The following AXIN2 variants were observed in gnomAD, a reference collection of about 807,000 sequenced individuals.
The protein encoded by AXIN2 is axin 2, also known as axin-2.
Under a neutral mutation model 74.7 loss-of-function variants are expected in AXIN2, and 21 were observed. The observed-to-expected ratio is 0.28, with a 90% CI of 0.20 to 0.40. The LOEUF (loss-of-function observed/expected upper bound fraction) is 0.40, where lower values mean the gene tolerates loss of function less well. Among genes scored for constraint, AXIN2 ranks in the 10% least tolerant of loss-of-function variants. AXIN2 has a pLI of 1.00. For synonymous variants in AXIN2, 532 were observed against 454.9 expected, an observed-to-expected ratio of 1.17 and a Z score of -2.16; for missense variants, 1,144 against 1,111.1, an observed-to-expected ratio of 1.03 and a Z score of -0.42.
intron 10 of AXIN2, among the ~76,000 whole-genome samples, chr17:65,532,599 G>GC (rs2043841209): frequency 6.6e-6 from 1 of 152,130 alleles, no homozygotes; most frequent in Non-Finnish European, 1.5e-5. Flanking sequence ...ATCACTTTGA[G>GC]CCCCCGCCCA....
At position 65,529,161 on chromosome 17, in the gene AXIN2, G is replaced by C; in HGVS notation, c.*815C>G. ...TGATTCTAGCAGGCCTCAGGGCCCT[G>C]GGCCTGGGGAGGCTACATGAGGGGG... On this transcript the variant is annotated 3_prime_UTR_variant, in exon 11 of 11. Coordinates refer to ENST00000307078, the MANE Select transcript of AXIN2 (RefSeq NM_004655.4). 4.3e-6 allele frequency: 1 copy of C among 234,306 alleles called. No individual in the cohort carries two copies. Among genetic ancestry groups the C allele is most frequent in the Non-Finnish European group, 8.4e-6 (1 of 118,846 alleles). 14.5% of individuals were successfully genotyped at this position (234,306 alleles called of 1,614,324 possible).
At chr17:65,533,488 C>T (rs986740524) in intron 10 of AXIN2, among the ~76,000 whole-genome samples, 37 of 152,184 alleles carry the variant, frequency 2.4e-4, no homozygotes, top group Non-Finnish European at 3.5e-4. Context: ...GCCAGTAGGG[C>T]GGCGCTTCCA....
At chr17:65,535,588 C>A (rs372998667) in intron 9 of AXIN2, 38 bp downstream of exon 9, 9 of 1,577,404 alleles carry the variant, frequency 5.7e-6, no homozygotes, top group East Asian at 2.2e-5. Context: ...ACATAAAGCA[C>A]TCGGCAGATC....
At chr17:65,537,938 G>T in intron 5 of AXIN2, 103 bp from the exon 6 acceptor site, 1 of 1,445,748 alleles carries the variant, frequency 6.9e-7, no homozygotes, top group Non-Finnish European at 9.3e-7. Flanking sequence ...ACGCACACCC[G>T]TGTGCACGCC....
intron 2 of AXIN2, 40 bp downstream of exon 2, chr17:65,557,766 G>A (rs753376108): frequency 6.3e-7 from 1 of 1,597,750 alleles, no homozygotes. Context: ...CATCTGCAAA[G>A]TCCACAGCAT....
chr17:65,547,469 A>T (rs905110903), intron 3 of AXIN2, among the ~76,000 whole-genome samples: 4 of 152,172 alleles, frequency 2.6e-5, no homozygotes, highest in African/African-American at 7.2e-5. Context: ...AGTCCCAAGT[A>T]TCTGCCTGCC....
chr17:65,528,955 A>G lies in AXIN2; in HGVS notation c.*1021T>C. ...AATGTACAGATTAACTTAACACAAA[A>G]ACCCGAACATCAAAATGAAGGTGTG... On this transcript the variant is annotated 3_prime_UTR_variant, in exon 11 of 11. Transcript: ENST00000307078. 1 of 276,606 alleles carries G rather than the reference A, an allele frequency of 3.6e-6. No individual in the cohort carries two copies. Among genetic ancestry groups the G allele is most frequent in the Non-Finnish European group, 6.8e-6 (1 of 147,238 alleles). The allele number at this position is 276,606 out of a possible 1,614,324, so 17.1% of individuals were successfully genotyped here.
rs2144432594 is a variant in AXIN2 at position 65,535,649 on chromosome 17, G to C, written c.2214C>G (p.Ser738=). The part of the protein sequence containing the change: ...ATVQTGATPF[S]NPSLAPEDHK... ...ACTCTTCTGGAGCCAGGCTTGGATTGGAGAAGGGTGTGGCTCCCGTCTGAA... is the reference window on the plus strand; with the variant it reads ...ACTCTTCTGGAGCCAGGCTTGGATTCGAGAAGGGTGTGGCTCCCGTCTGAA... The change falls in exon 9 of 11, where the codon TCC becomes TCG. Residue 738 remains serine, a synonymous_variant. Coordinates refer to ENST00000307078, the MANE Select transcript of AXIN2 (RefSeq NM_004655.4). The C allele has an allele frequency of 6.2e-7, 1 of 1,614,204 alleles. No homozygotes were observed. The highest frequency in any genetic ancestry group is 2.2e-5 in the East Asian group (1 of 44,892).
rs886053271 is a variant in AXIN2, at chr17:65,529,888, T to C, written c.*88A>G. ...TCTTCTTCATTGGTTTAATTTTCCT[T>C]CAAAATGTTTTGTCGCAGTTGCTCA... On this transcript the variant is annotated 3_prime_UTR_variant, in exon 11 of 11. Coordinates refer to ENST00000307078, the MANE Select transcript of AXIN2 (RefSeq NM_004655.4). 113 of 1,608,238 alleles carry C rather than the reference T, an allele frequency of 7.0e-5. No homozygotes were observed. In the East Asian group the frequency reaches 2.5e-3, roughly 36 times the overall value.
Position 65,558,314 on chromosome 17 carries a change from T to C in AXIN2, c.307A>G (p.Lys103Glu). 6.2e-7 allele frequency: 1 copy of C among 1,614,120 alleles called. No homozygotes were observed. Residue 103 changes from lysine (K) to glutamate (E), a missense_variant, in exon 2 of 11, where the codon AAA becomes GAA. This residue lies in a region of AXIN2 where 1,053 missense variants were observed against 973.5 expected (regional missense o/e 1.08). Transcript: ENST00000307078. ...YLFRTFLERE[K>E]CVDTLDFWFA... ...CAGAAGTCTAAGGTATCCACGCATTTCTCCCTCTCCAGGAAAGTTCGGAAC... is the reference window on the plus strand; with the variant it reads ...CAGAAGTCTAAGGTATCCACGCATTCCTCCCTCTCCAGGAAAGTTCGGAAC...
rs531550210 is a variant in AXIN2, at chr17:65,529,960, A to C, written c.*16T>G. On this transcript the variant is annotated 3_prime_UTR_variant, in exon 11 of 11. Transcript: ENST00000307078. The stretch of plus-strand genomic sequence containing the variant: ...GCTTCGGGCTCCAACAGTTCACCAA[A>C]GCCAGACCCCAGGGCTCAATCGATC... The C allele has an allele frequency of 6.2e-7, 1 of 1,614,164 alleles. No individual in the cohort carries two copies. Among genetic ancestry groups the C allele is most frequent in the Admixed American group, 1.7e-5 (1 of 60,018 alleles).
rs147134295 is a variant in AXIN2, at chr17:65,530,075, C to T, written c.2433G>A (p.Glu811=). 199 of 1,614,228 alleles carry T rather than the reference C, an allele frequency of 1.2e-4. No individual in the cohort carries two copies. Among genetic ancestry groups the T allele is most frequent in the Non-Finnish European group, 1.5e-4 (181 of 1,180,046 alleles). ...YRYYFKKASD[E]FACGAVFEEI... is the part of the protein sequence containing the mutation. ...CCTCAAACACCGCTCCACAGGCAAACTCATCGCTTGCTTTTTTGAAGTAAT... is the reference window on the plus strand; with the variant it reads ...CCTCAAACACCGCTCCACAGGCAAATTCATCGCTTGCTTTTTTGAAGTAAT... The change falls in exon 11 of 11, where the codon GAG becomes GAA. Residue 811 remains glutamate, a synonymous_variant. Coordinates refer to ENST00000307078, the MANE Select transcript of AXIN2 (RefSeq NM_004655.4).
rs2043968826 is a variant in AXIN2 at position 65,537,996 on chromosome 17, A to G, written c.1201-161T>C. On this transcript the variant is annotated intron_variant, in intron 5 of 10. Transcript: ENST00000307078. ...CGCACAGGCCCGCCTACACAAGCAC[A>G]TATCCACACGCATATGCACACCCAC... 5.3e-6 allele frequency: 7 copies of G among 1,320,040 alleles called. No individual in the cohort carries two copies. In the Admixed American group the frequency reaches 1.4e-4, roughly 27 times the overall value. The allele number at this position is 1,320,040 out of a possible 1,614,324, so 81.8% of individuals were successfully genotyped here. A position where few individuals can be genotyped will look rare whatever the true frequency, so the allele number is the denominator to read the frequency against.
intron 2 of AXIN2, among the ~76,000 whole-genome samples, chr17:65,556,408 GCAGAGGC>G (rs1296586426): frequency 2.0e-5 from 3 of 152,190 alleles, no homozygotes; most frequent in Non-Finnish European, 4.4e-5. Flanking sequence ...CTGACCTACT[GCAGAGGC>G]CAGACCCAGG....
At chr17:65,536,610 T>A (rs1445716342) in intron 7 of AXIN2, 57 bp from the exon 8 acceptor site, 1 of 1,581,360 alleles carries the variant, frequency 6.3e-7, no homozygotes, top group African/African-American at 1.3e-5. Flanking sequence ...TTAGAAGAAC[T>A]GGAAAATGTG....
chr17:65,536,166 G>C (rs527771533), intron 8 of AXIN2, among the ~76,000 whole-genome samples, 154 bp downstream of exon 8: 1 of 152,352 alleles, frequency 6.6e-6, no homozygotes, highest in South Asian at 2.1e-4. Flanking sequence ...CTAGAAGCTG[G>C]AAAGCAGCAG....
chr17:65,547,182 A>G (rs2044130697), intron 3 of AXIN2, among the ~76,000 whole-genome samples: 1 of 152,208 alleles, frequency 6.6e-6, no homozygotes, highest in Admixed American at 6.5e-5. Flanking sequence ...GGGAGGCTGC[A>G]GGGGAGAACT....
rs1310564541 is a variant in AXIN2, at chr17:65,561,557, G to C, written c.-224C>G. The C allele has an allele frequency of 1.3e-5, 2 of 151,170 alleles. No homozygotes were observed. The highest frequency in any genetic ancestry group is 3.0e-5 in the Non-Finnish European group (2 of 67,516). 9.4% of individuals were successfully genotyped at this position (151,170 alleles called of 1,614,324 possible). A position where few individuals can be genotyped will look rare whatever the true frequency, so the allele number is the denominator to read the frequency against. On this transcript the variant is annotated 5_prime_UTR_variant, in exon 1 of 11. Transcript: ENST00000307078. ...CCGGCTCTCGGGCTGTTACTGAGTT[G>C]CCAGGACCTTATCAAAGCGCAGCCG...
Position 65,529,213 on chromosome 17 carries a change from GC to G in AXIN2, c.*762del, listed in dbSNP as rs897207080. On this transcript the variant is annotated 3_prime_UTR_variant, in exon 11 of 11. Coordinates refer to ENST00000307078, the MANE Select transcript of AXIN2 (RefSeq NM_004655.4). Reference sequence around the variant, plus strand: ...GCCTCAGTCACAGGATCAACCTGGGGCCCGAAGGAGCAGGGTTCCCTGCCTC... The same window carrying G: ...GCCTCAGTCACAGGATCAACCTGGGGCCGAAGGAGCAGGGTTCCCTGCCTC... The G allele has an allele frequency of 1.3e-5, 3 of 234,410 alleles. No homozygotes were observed. Among genetic ancestry groups the G allele is most frequent in the Non-Finnish European group, 2.5e-5 (3 of 118,970 alleles). The allele number at this position is 234,410 out of a possible 1,614,324, so 14.5% of individuals were successfully genotyped here.
Sources: gnomAD v4.1 joint callset for allele counts (sites outside exome capture counted in the v4.1 genomes callset) on GRCh38, gnomAD v4.1.1 for gene constraint, gnomAD v4.1.1 regional missense constraint, MANE v1.5 for transcripts, NCBI Gene and HGNC (gene_info 2026-07-23, HGNC 2026-07-21) for gene names.